Variants in PTPRM observed in about 807,000 individuals in gnomAD.
PTPRM encodes the protein receptor-type tyrosine-protein phosphatase mu.
PTPRM carries 47 observed loss-of-function variants against 186.7 expected under a neutral mutation model. The observed-to-expected ratio is 0.25, with a 90% confidence interval of 0.20 to 0.32. PTPRM has a LOEUF of 0.32. Ranked by LOEUF, PTPRM falls within the 10% of genes least tolerant of loss-of-function variation. The pLI, the probability that PTPRM is intolerant of heterozygous loss-of-function variation, is 1.00. For synonymous variants in PTPRM, 668 were observed against 674.9 expected, an observed-to-expected ratio of 0.99 and a Z score of 0.16; for missense variants, 1,494 against 1,865.0, an observed-to-expected ratio of 0.80 and a Z score of 3.66.
chr18:8,234,104 G>A (rs1180542335), intron 14 of PTPRM, among the ~76,000 whole-genome samples: 1 of 152,090 alleles, frequency 6.6e-6, no homozygotes, highest in Non-Finnish European at 1.5e-5. Context: ...GCTATTCTGG[G>A]TCTTTTGCCT....
intron 14 of PTPRM, among the ~76,000 whole-genome samples, chr18:8,216,725 G>A (rs373174101): frequency 9.5e-4 from 145 of 152,346 alleles, no homozygotes; most frequent in African/African-American, 3.4e-3. Context: ...CATGGGGCAT[G>A]CCTAGGCATT....
At chr18:7,943,615 G>A (rs1340990386) in intron 5 of PTPRM, among the ~76,000 whole-genome samples, 4 of 152,052 alleles carry the variant, frequency 2.6e-5, no homozygotes, top group African/African-American at 9.7e-5. Context: ...AGAAGGTGAC[G>A]GCAGGGTTGG....
intron 19 of PTPRM, among the ~76,000 whole-genome samples, chr18:8,258,936 C>T (rs374571626): frequency 1.3e-5 from 2 of 151,524 alleles, no homozygotes; most frequent in African/African-American, 2.4e-5. Flanking sequence ...CTTTATTCCA[C>T]GTACTTTTTT....
rs144871167 is a variant in PTPRM at position 7,883,605 on chromosome 18, G to A, written c.197-4501G>A. On this transcript the variant is annotated intron_variant, in intron 2 of 32. Coordinates refer to ENST00000580170, the MANE Select transcript of PTPRM (RefSeq NM_001105244.2). ...CACCACTGTCAGGAAACACGAGTGT[G>A]GATAGAAACGTCACCTTTTGTACTT... Among the ~76,000 whole-genome samples the A allele has an allele frequency of 7.9e-5, 12 of 152,308 alleles. 1 individual carries two copies. The highest frequency in any genetic ancestry group is 7.8e-4 in the Admixed American group (12 of 15,294).
At chr18:7,989,701 A>G (rs1231855632) in intron 7 of PTPRM, among the ~76,000 whole-genome samples, 2 of 152,110 alleles carry the variant, frequency 1.3e-5, no homozygotes, top group East Asian at 3.9e-4. Context: ...AACATTTTTA[A>G]TGTTGAATTG....
At chr18:8,405,557 T>C (rs1354252591) in intron 32 of PTPRM, among the ~76,000 whole-genome samples, 1 of 152,234 alleles carries the variant, frequency 6.6e-6, no homozygotes, top group African/African-American at 2.4e-5. Context: ...TTGGGTTACC[T>C]GTCTCATCCT....
chr18:8,052,688 T>C (rs553698064), intron 7 of PTPRM, among the ~76,000 whole-genome samples: 1 of 152,326 alleles, frequency 6.6e-6, no homozygotes, highest in African/African-American at 2.4e-5. Flanking sequence ...AGGAATACTA[T>C]TCTAGGATTT....
intron 22 of PTPRM, among the ~76,000 whole-genome samples, chr18:8,337,590 A>G (rs900020909): frequency 3.9e-5 from 6 of 152,252 alleles, no homozygotes; most frequent in Admixed American, 1.3e-4. Context: ...AGGCCACGTT[A>G]GGAAAATGTG....
At chr18:7,906,460 T>C (rs113062273) in intron 3 of PTPRM, 45 bp from the exon 4 acceptor site, 27,140 of 1,475,952 alleles carry the variant, frequency 0.018, 342 homozygotes, top group South Asian at 0.033. Context: ...TTGGTAAAAG[T>C]AAGACAAAAT....
At chr18:8,257,720 C>T (rs1055999001) in intron 19 of PTPRM, among the ~76,000 whole-genome samples, 2 of 152,180 alleles carry the variant, frequency 1.3e-5, no homozygotes, top group Non-Finnish European at 2.9e-5. Flanking sequence ...ATCATCCCAT[C>T]GGCCTTTCTG....
chr18:7,813,416 G>A (rs139967524), intron 2 of PTPRM, among the ~76,000 whole-genome samples: 6 of 152,290 alleles, frequency 3.9e-5, no homozygotes, highest in South Asian at 2.1e-4. Context: ...TGGGCTCTCC[G>A]TCCATGCTGC....
At chr18:7,646,911 T>C (rs2038578445) in intron 1 of PTPRM, among the ~76,000 whole-genome samples, 1 of 152,068 alleles carries the variant, frequency 6.6e-6, no homozygotes, top group Non-Finnish European at 1.5e-5. Flanking sequence ...TCTGTATTTT[T>C]AGGGGGAGGT....
At chr18:7,824,474 T>G (rs1206766120) in intron 2 of PTPRM, among the ~76,000 whole-genome samples, 1 of 152,212 alleles carries the variant, frequency 6.6e-6, no homozygotes, top group Non-Finnish European at 1.5e-5. Flanking sequence ...TTTCTTTATT[T>G]GTAAGAAGAG....
At chr18:8,195,152 CTTTT>C (rs1164451439) in intron 14 of PTPRM, among the ~76,000 whole-genome samples, 1 of 117,064 alleles carries the variant, frequency 8.5e-6, no homozygotes, top group Non-Finnish European at 1.8e-5. Context: ...CTTAGAAGTT[CTTTT>C]TTTTTTTTTT....
intron 7 of PTPRM, among the ~76,000 whole-genome samples, chr18:8,063,586 A>C (rs1242897449): frequency 6.6e-6 from 1 of 152,200 alleles, no homozygotes; most frequent in Non-Finnish European, 1.5e-5. Context: ...GAAGGTATCA[A>C]CAGTAAATTT....
At chr18:7,604,565 G>A (rs1036737812) in intron 1 of PTPRM, among the ~76,000 whole-genome samples, 7 of 152,214 alleles carry the variant, frequency 4.6e-5, no homozygotes, top group Admixed American at 1.3e-4. Context: ...TGTCTGTGCC[G>A]GGAATGTTAA....
intron 1 of PTPRM, among the ~76,000 whole-genome samples, chr18:7,717,602 C>A (rs1429043117): frequency 1.3e-5 from 2 of 152,236 alleles, no homozygotes; most frequent in Admixed American, 6.5e-5. Flanking sequence ...TGGCAGAGGG[C>A]AGCTGCCTCA....
intron 2 of PTPRM, among the ~76,000 whole-genome samples, chr18:7,841,204 C>G (rs991852446): frequency 6.7e-5 from 10 of 149,772 alleles, no homozygotes; most frequent in Admixed American, 6.0e-4. Context: ...TTGCATATTG[C>G]TTCCTTATAG....
At chr18:8,324,288 A>G (rs2095362792) in intron 22 of PTPRM, among the ~76,000 whole-genome samples, 1 of 152,162 alleles carries the variant, frequency 6.6e-6, no homozygotes, top group African/African-American at 2.4e-5. Context: ...TATAATCGTT[A>G]GTATTTTGAA....
Sources: allele counts gnomAD v4.1 joint callset (sites outside exome capture counted in the v4.1 genomes callset), GRCh38; gene constraint gnomAD v4.1.1; transcripts MANE v1.5; gene names NCBI Gene and HGNC (gene_info 2026-07-23, HGNC 2026-07-21).